Variants in LRP1B observed in about 807,000 individuals in gnomAD.
LRP1B encodes the protein low-density lipoprotein receptor-related protein 1B.
Under a neutral mutation model 556.6 loss-of-function variants are expected in LRP1B, and 217 were observed. The observed-to-expected ratio is 0.39, with a 90% CI of 0.35 to 0.44. The LOEUF (loss-of-function observed/expected upper bound fraction) is 0.44. Among genes scored for constraint, LRP1B ranks in the 20% least tolerant of loss-of-function variants. The pLI, the probability that LRP1B is intolerant of heterozygous loss-of-function variation, is 1.00. For missense variants in LRP1B, 5,053 were observed against 5,620.8 expected, an observed-to-expected ratio of 0.90 and a Z score of 3.23; for synonymous variants, 2,047 against 1,865.8, an observed-to-expected ratio of 1.10 and a Z score of -2.50.
At chr2:141,587,952 G>A (rs913781563) in intron 2 of LRP1B, among the ~76,000 whole-genome samples, 1 of 152,126 alleles carries the variant, frequency 6.6e-6, no homozygotes, top group African/African-American at 2.4e-5. Flanking sequence ...TCTACACTTA[G>A]TTGTTTATCA....
rs1680965949 is a variant in LRP1B at position 140,334,393 on chromosome 2, T to C, written c.12223+60A>G. On this transcript the variant is annotated intron_variant, in intron 79 of 90. Transcript: ENST00000389484. ...TATTGCCAACAACACTAGAAATAAC[T>C]GTTAACAGTAATATACTTGTCATTC... The C allele has an allele frequency of 3.9e-6, 4 of 1,017,156 alleles. No individual in the cohort carries two copies. In the Admixed American group the frequency reaches 7.0e-5, roughly 18 times the overall value. The allele number at this position is 1,017,156 out of a possible 1,614,324, so 63.0% of individuals were successfully genotyped here. A position where few individuals can be genotyped will look rare whatever the true frequency, so the allele number is the denominator to read the frequency against.
In LRP1B at chr2:140,689,395, C is replaced by T. The variant is rs116834986; in HGVS notation, c.6799+10855G>A. Among the ~76,000 whole-genome samples the T allele has an allele frequency of 9.1e-3, 1,380 of 152,250 alleles. 15 individuals carry two copies. The highest frequency in any genetic ancestry group is 0.015 in the Non-Finnish European group (1,022 of 68,004). ...CTGCATGTCATTTCCCTTTTTTTGT[C>T]TATAAATGTTCTTCCACCACGTGGC... is the stretch of plus-strand genomic sequence containing the variant. On this transcript the variant is annotated intron_variant, in intron 41 of 90. Transcript: ENST00000389484.
chr2:141,250,806 A>G (rs1385922853), intron 4 of LRP1B, among the ~76,000 whole-genome samples: 1 of 152,150 alleles, frequency 6.6e-6, no homozygotes, highest in East Asian at 1.9e-4. Flanking sequence ...AGTTAGTATT[A>G]GAGAATTAGA....
At chr2:140,909,192 A>G (rs185289089) in intron 21 of LRP1B, among the ~76,000 whole-genome samples, 31 of 152,274 alleles carry the variant, frequency 2.0e-4, no homozygotes, top group African/African-American at 6.0e-4. Context: ...AGATTATGCA[A>G]TGTTCAGGTG....
At chr2:141,160,024 G>A (rs1370937560) in intron 7 of LRP1B, among the ~76,000 whole-genome samples, 9 of 151,876 alleles carry the variant, frequency 5.9e-5, no homozygotes, top group Non-Finnish European at 1.2e-4. Flanking sequence ...GAACTTAGAG[G>A]GCAGGTCAAT....
chr2:141,416,339 A>G (rs1691099167), intron 3 of LRP1B, among the ~76,000 whole-genome samples: 1 of 152,164 alleles, frequency 6.6e-6, no homozygotes, highest in African/African-American at 2.4e-5. Flanking sequence ...AAATGACAAA[A>G]ATAATAATAT....
At chr2:140,352,813 C>T in intron 76 of LRP1B, 140 bp downstream of exon 76, 1 of 757,802 alleles carries the variant, frequency 1.3e-6, no homozygotes, top group Non-Finnish European at 2.1e-6. Flanking sequence ...TATTAACTAA[C>T]CAACTGGCCA....
Position 140,692,082 on chromosome 2 carries a change from G to A in LRP1B, c.6799+8168C>T, listed in dbSNP as rs144170367. 5.7e-3 allele frequency among the ~76,000 whole-genome samples: 868 copies of A among 152,100 alleles called. 6 individuals carry two copies. Among genetic ancestry groups the A allele is most frequent in the Middle Eastern group, 0.044 (13 of 294 alleles). ...GAACTAATTTTAGGCTTACAGAAAA[G>A]TTTCAAAAATTAGTACAGGGAGTTG... On this transcript the variant is annotated intron_variant, in intron 41 of 90. Transcript: ENST00000389484.
intron 37 of LRP1B, among the ~76,000 whole-genome samples, chr2:140,713,527 G>A (rs967591029): frequency 6.6e-6 from 1 of 151,942 alleles, no homozygotes; most frequent in African/African-American, 2.4e-5. Flanking sequence ...TCACAACTCT[G>A]ATCTTAGCTT....
At chr2:141,837,123 C>T (rs1697309906) in intron 1 of LRP1B, among the ~76,000 whole-genome samples, 1 of 151,824 alleles carries the variant, frequency 6.6e-6, no homozygotes, top group Non-Finnish European at 1.5e-5. Flanking sequence ...CTAGGAAAGG[C>T]AACTGACATT....
intron 2 of LRP1B, among the ~76,000 whole-genome samples, chr2:141,723,400 T>C (rs1002326896): frequency 6.6e-6 from 1 of 151,084 alleles, no homozygotes; most frequent in African/African-American, 2.4e-5. Flanking sequence ...AAAGAAAAAT[T>C]ATAGTTGCCT....
At chr2:140,741,949 G>T (rs567585687) in intron 35 of LRP1B, among the ~76,000 whole-genome samples, 2 of 152,194 alleles carry the variant, frequency 1.3e-5, no homozygotes, top group East Asian at 3.9e-4. Flanking sequence ...CTCATTCTTT[G>T]TTATGGCTGC....
At chr2:141,522,606 G>A (rs539587422) in intron 2 of LRP1B, among the ~76,000 whole-genome samples, 1 of 152,128 alleles carries the variant, frequency 6.6e-6, no homozygotes, top group Non-Finnish European at 1.5e-5. Context: ...CTAAGAAAGA[G>A]TCAGACTCGG....
intron 1 of LRP1B, among the ~76,000 whole-genome samples, chr2:142,084,559 A>G (rs1195604162): frequency 6.6e-6 from 1 of 152,124 alleles, no homozygotes; most frequent in Admixed American, 6.5e-5. Flanking sequence ...GCATTTCTGC[A>G]TTTCTCATTC....
intron 41 of LRP1B, among the ~76,000 whole-genome samples, chr2:140,641,678 A>T (rs1684301509): frequency 6.6e-6 from 1 of 152,186 alleles, no homozygotes; most frequent in African/African-American, 2.4e-5. Flanking sequence ...CATGGTGCCT[A>T]TGTAGTGAGG....
intron 41 of LRP1B, among the ~76,000 whole-genome samples, chr2:140,617,602 C>T (rs1683303321): frequency 6.6e-6 from 1 of 151,806 alleles, no homozygotes; most frequent in Non-Finnish European, 1.5e-5. Flanking sequence ...AATAAAATTT[C>T]AGATAAGGAT....
intron 41 of LRP1B, among the ~76,000 whole-genome samples, chr2:140,642,475 A>T (rs919523952): frequency 4.6e-5 from 7 of 152,096 alleles, no homozygotes; most frequent in Admixed American, 6.6e-5. Context: ...ATAATGTGGG[A>T]GAGAAACCTG....
intron 84 of LRP1B, among the ~76,000 whole-genome samples, chr2:140,294,403 G>C (rs1683519111): frequency 6.6e-6 from 1 of 151,690 alleles, no homozygotes; most frequent in South Asian, 2.1e-4. Context: ...TTGTTCCTTT[G>C]TTCATTTGGC....
At chr2:141,968,057 A>G (rs1186817774) in intron 1 of LRP1B, among the ~76,000 whole-genome samples, 1 of 151,892 alleles carries the variant, frequency 6.6e-6, no homozygotes, top group Non-Finnish European at 1.5e-5. Context: ...TGCATCAGAC[A>G]TAAATCAGTG....
Sources: allele counts gnomAD v4.1 joint callset (sites outside exome capture counted in the v4.1 genomes callset), GRCh38; gene constraint gnomAD v4.1.1; transcripts MANE v1.5; gene names NCBI Gene and HGNC (gene_info 2026-07-23, HGNC 2026-07-21).